The following GPATCH1 variants were observed in gnomAD, a reference collection of about 807,000 sequenced individuals.
GPATCH1 encodes G patch domain-containing protein 1.
In GPATCH1, 73 loss-of-function variants were observed where a neutral mutation model predicts 114.9. That is an observed-to-expected ratio of 0.64 (90% CI 0.53 to 0.77). The LOEUF is 0.77. Among genes scored for constraint, GPATCH1 ranks in the 30% least tolerant of loss-of-function variants. The pLI is 0.00. For synonymous variants in GPATCH1, 391 were observed against 428.4 expected, an observed-to-expected ratio of 0.91 and a Z score of 1.08; for missense variants, 1,058 against 1,144.3, an observed-to-expected ratio of 0.92 and a Z score of 1.09.
chr19:33,094,385 A>G (rs765939456), intron 5 of GPATCH1, 116 bp downstream of exon 5: 34 of 632,562 alleles, frequency 5.4e-5, no homozygotes, highest in Non-Finnish European at 8.5e-5. Context: ...ATCCCGGCAT[A>G]CTGCAGCCTT....
intron 17 of GPATCH1, among the ~76,000 whole-genome samples, chr19:33,121,405 C>T (rs1599866569): frequency 6.6e-6 from 1 of 151,018 alleles, no homozygotes; most frequent in East Asian, 2.0e-4. Context: ...CCGCAACCTC[C>T]ACCTCCTGGG....
intron 10 of GPATCH1, among the ~76,000 whole-genome samples, chr19:33,108,036 T>C (rs2145323773): frequency 6.6e-6 from 1 of 152,094 alleles, no homozygotes; most frequent in South Asian, 2.1e-4. Context: ...TCCTCTCTTT[T>C]CGGTCCTCCC....
chr19:33,126,585 C>T lies in GPATCH1; in HGVS notation c.2620-3C>T, dbSNP rs1245273174. 6.2e-7 allele frequency: 1 copy of T among 1,610,246 alleles called. No individual in the cohort carries two copies. The highest frequency in any genetic ancestry group is 1.3e-5 in the African/African-American group (1 of 74,398). ...TTCCCCCACCACTATTTGTTTTTTACAGAAAAAGAAACACAGGAAGCACAA... is the reference window on the plus strand; with the variant it reads ...TTCCCCCACCACTATTTGTTTTTTATAGAAAAAGAAACACAGGAAGCACAA... On this transcript the variant is annotated splice_region_variant and splice_polypyrimidine_tract_variant and intron_variant, in intron 18 of 19. Transcript: ENST00000170564.
chr19:33,121,430 C>G (rs567931154), intron 17 of GPATCH1, among the ~76,000 whole-genome samples: 1 of 151,596 alleles, frequency 6.6e-6, no homozygotes, highest in Non-Finnish European at 1.5e-5. Flanking sequence ...AGCGATTCTC[C>G]TACCTCACCC....
intron 1 of GPATCH1, 93 bp downstream of exon 1, chr19:33,081,359 T>C (rs960467351): frequency 1.8e-6 from 2 of 1,083,222 alleles, no homozygotes; most frequent in Admixed American, 4.1e-5. Flanking sequence ...TGGACCATTG[T>C]TAGATCGTTC....
In GPATCH1 at chr19:33,123,126, A is replaced by G. The variant is rs189866920; in HGVS notation, c.2522-1979A>G. 6.0e-5 allele frequency among the ~76,000 whole-genome samples: 9 copies of G among 150,280 alleles called. No individual in the cohort carries two copies. The East Asian group carries it at 1.4e-3, about 23-fold the overall frequency. The stretch of plus-strand genomic sequence containing the variant: ...TAAATAAATAAATAAATAGCTGGGC[A>G]CGGTGGCTCACGCCTGTAATCCCAG... On this transcript the variant is annotated intron_variant, in intron 17 of 19. Transcript: ENST00000170564.
At chr19:33,110,234 G>C (rs1174445945) in intron 11 of GPATCH1, among the ~76,000 whole-genome samples, 10 of 152,312 alleles carry the variant, frequency 6.6e-5, no homozygotes, top group Non-Finnish European at 1.3e-4. Flanking sequence ...GCCAAAGCTA[G>C]CTGTTTAAGT....
rs1415778502 is a variant in GPATCH1 at position 33,101,501 on chromosome 19, A to C, written c.1007A>C (p.Glu336Ala). The C allele has an allele frequency of 1.9e-6, 3 of 1,567,102 alleles. No homozygotes were observed. In the Admixed American group the frequency reaches 5.0e-5, roughly 26 times the overall value. ...PRQYKNQKES[E>A]KDLRYVGKIL... ...CTATGACATCATTTTGTAGAATCAGAGAAAGACCTTCGGTACGTTGGCAAA... is the reference window on the plus strand; with the variant it reads ...CTATGACATCATTTTGTAGAATCAGCGAAAGACCTTCGGTACGTTGGCAAA... Residue 336 changes from glutamate (E) to alanine (A), a missense_variant, in exon 9 of 20, where the codon GAG (glutamate) becomes GCG (alanine). Around this residue, in one of 3 missense-constraint regions of GPATCH1, gnomAD observed 893 missense variants for 977.4 expected, o/e 0.91. Coordinates refer to ENST00000170564, the MANE Select transcript of GPATCH1 (RefSeq NM_018025.3).
chr19:33,119,502 A>G (rs567648512), intron 17 of GPATCH1, among the ~76,000 whole-genome samples: 2 of 150,648 alleles, frequency 1.3e-5, no homozygotes, highest in South Asian at 2.1e-4. Flanking sequence ...GATCGAGACC[A>G]TTCTGGCCAA....
chr19:33,118,583 T>C (rs910926632), intron 16 of GPATCH1, among the ~76,000 whole-genome samples: 2 of 152,128 alleles, frequency 1.3e-5, no homozygotes, highest in Admixed American at 1.3e-4. Flanking sequence ...ATCTTCAAGG[T>C]TTTTTCTTTG....
At position 33,119,079 on chromosome 19, in the gene GPATCH1, A is replaced by T; in HGVS notation, c.2483A>T (p.Glu828Val). The change falls in exon 17 of 20, where the codon GAA becomes GTA. Residue 828 changes from glutamate to valine, a missense_variant. By Grantham distance (121) the Glu-to-Val change is moderately radical. This residue lies in a region of GPATCH1 where 893 missense variants were observed against 977.4 expected (regional missense o/e 0.91). Coordinates refer to ENST00000170564, the MANE Select transcript of GPATCH1 (RefSeq NM_018025.3). ...PIQKMQIDER[E>V]EFGPRLPPVF... ...CAAAAGATGCAGATAGATGAAAGAG[A>T]AGAGTTCGGCCCGCGGCTGCCTCCC... The T allele has an allele frequency of 6.2e-7, 1 of 1,613,198 alleles. No individual in the cohort carries two copies. Among genetic ancestry groups the T allele is most frequent in the Non-Finnish European group, 8.5e-7 (1 of 1,179,654 alleles).
At chr19:33,101,820 G>C (rs550392402) in intron 9 of GPATCH1, among the ~76,000 whole-genome samples, 1 of 146,754 alleles carries the variant, frequency 6.8e-6, no homozygotes, top group East Asian at 2.1e-4. Flanking sequence ...ACCTGAGGTC[G>C]GGAGTTTAAG....
Position 33,090,233 on chromosome 19 carries a change from T to G in GPATCH1, c.209-547T>G, listed in dbSNP as rs1972579147. Among the ~76,000 whole-genome samples, 6 of 152,206 alleles carry G rather than the reference T, an allele frequency of 3.9e-5. No individual in the cohort carries two copies. In the South Asian group the frequency reaches 1.2e-3, roughly 32 times the overall value. ...CCAGTGTCTGTTGAAACTGGGGGAC[T>G]GGCAGAGCCGCTGCCCTTGGACCTG... On this transcript the variant is annotated intron_variant, in intron 2 of 19. Transcript: ENST00000170564.
chr19:33,128,021 A>T (rs985267606), intron 19 of GPATCH1, among the ~76,000 whole-genome samples: 1 of 152,120 alleles, frequency 6.6e-6, no homozygotes, highest in Non-Finnish European at 1.5e-5. Context: ...TGGCCTATAT[A>T]CAGATTTTTG....
chr19:33,103,606 C>G (rs8113183), intron 9 of GPATCH1, among the ~76,000 whole-genome samples: 27,169 of 151,808 alleles, frequency 0.18, 3,245 homozygotes, highest in South Asian at 0.34. Context: ...GAGGCTGAGG[C>G]AGGAGAATTA....
At position 33,125,119 on chromosome 19, in the gene GPATCH1, C is replaced by T. The variant is rs775952886; in HGVS notation, c.2536C>T (p.Leu846Phe). ...TTGTGTTTCAGATGCTCGTCAGACACTTGAGGTTCCTCAAAAAGAGAAACA... is the reference window on the plus strand; with the variant it reads ...TTGTGTTTCAGATGCTCGTCAGACATTTGAGGTTCCTCAAAAAGAGAAACA... The part of the protein sequence containing the change: ...PVFCPNARQT[L>F]EVPQKEKHKK... The change falls in exon 18 of 20, where the codon CTT (leucine) becomes TTT (phenylalanine). Residue 846 changes from leucine (L) to phenylalanine (F), a missense_variant. Leu to Phe is a conservative substitution (Grantham distance 22). Transcript: ENST00000170564. 6.3e-7 allele frequency: 1 copy of T among 1,599,620 alleles called. No homozygotes were observed. Among genetic ancestry groups the T allele is most frequent in the Non-Finnish European group, 8.5e-7 (1 of 1,172,722 alleles).
At chr19:33,119,931 A>G (rs191756012) in intron 17 of GPATCH1, among the ~76,000 whole-genome samples, 1 of 145,322 alleles carries the variant, frequency 6.9e-6, no homozygotes, top group East Asian at 2.0e-4. Context: ...TATAAAAATT[A>G]TATATATTTT....
chr19:33,102,463 C>T (rs149246346), intron 9 of GPATCH1, among the ~76,000 whole-genome samples: 2 of 140,374 alleles, frequency 1.4e-5, no homozygotes, highest in East Asian at 4.3e-4. Flanking sequence ...GTGATGCAAT[C>T]TCAGCTCACC....
At chr19:33,124,712 C>T (rs555943046) in intron 17 of GPATCH1, among the ~76,000 whole-genome samples, 2 of 152,236 alleles carry the variant, frequency 1.3e-5, no homozygotes, top group African/African-American at 2.4e-5. Flanking sequence ...AGAGGTTAGG[C>T]GACGTGTCGA....
Sources: allele counts gnomAD v4.1 joint callset (sites outside exome capture counted in the v4.1 genomes callset), GRCh38; gene constraint gnomAD v4.1.1; regional missense constraint gnomAD v4.1.1; transcripts MANE v1.5; gene names NCBI Gene and HGNC (gene_info 2026-07-23, HGNC 2026-07-21).